MPHOSPH8: variants seen among roughly 807,000 people sequenced by gnomAD.
MPHOSPH8 encodes M-phase phosphoprotein, mpp.
MPHOSPH8 carries 45 observed loss-of-function variants against 87.3 expected under a neutral mutation model. The observed-to-expected ratio is 0.52, with a 90% CI of 0.41 to 0.66. MPHOSPH8 has a LOEUF of 0.66. MPHOSPH8 is among the 30% of genes least tolerant of loss of function. The probability of loss-of-function intolerance (pLI) is 0.00; values close to 1 mark genes in which losing one functional copy is unlikely to be tolerated. For synonymous variants in MPHOSPH8, 366 were observed against 376.9 expected (o/e 0.97, Z 0.33); for missense variants, 883 against 1,020.2 (o/e 0.87, Z 1.83).
intron 11 of MPHOSPH8, among the ~76,000 whole-genome samples, chr13:19,669,770 A>G (rs1479208636): frequency 3.3e-5 from 5 of 152,008 alleles, no homozygotes; most frequent in Non-Finnish European, 7.4e-5. Context: ...TCTGCCTCCC[A>G]AAGTGCTGGG....
chr13:19,646,488 G>T lies in MPHOSPH8; in HGVS notation c.415G>T (p.Asp139Tyr), dbSNP rs774165997. 6 of 1,553,778 alleles carry T rather than the reference G, an allele frequency of 3.9e-6. No individual in the cohort carries two copies. The South Asian group carries it at 6.3e-5, about 16-fold the overall frequency. ...CATATTTGAGGCGAACTCTGATAGCGATCAGCAAAGTGAGACAAAAGAAGA... is the reference window on the plus strand; with the variant it reads ...CATATTTGAGGCGAACTCTGATAGCTATCAGCAAAGTGAGACAAAAGAAGA... The part of the protein sequence containing the change: ...NDIFEANSDS[D>Y]QQSETKEDTS... The change falls in exon 3 of 14, where the codon GAT becomes TAT. Residue 139 changes from aspartate (D) to tyrosine (Y), a missense_variant. By Grantham distance (160) the Asp-to-Tyr change is radical. This residue lies in a region of MPHOSPH8 where 39 missense variants were observed against 82.4 expected (regional missense o/e 0.47). Coordinates refer to ENST00000361479, the MANE Select transcript of MPHOSPH8 (RefSeq NM_017520.4).
In MPHOSPH8 at chr13:19,633,741, C is replaced by G. The variant is rs763052538; in HGVS notation, c.-8C>G. The G allele has an allele frequency of 8.0e-5, 127 of 1,582,156 alleles. No homozygotes were observed. The highest frequency in any genetic ancestry group is 1.0e-4 in the Non-Finnish European group (117 of 1,164,600). ...GGGTTTTCCTCGGCGGTTTGCGGAG[C>G]TGCTAGGATGGAGCAGGTTGCGGAG... On this transcript the variant is annotated 5_prime_UTR_variant, in exon 1 of 14. Transcript: ENST00000361479.
chr13:19,634,468 C>T (rs1237258734), intron 1 of MPHOSPH8, among the ~76,000 whole-genome samples: 5 of 152,162 alleles, frequency 3.3e-5, no homozygotes, highest in Non-Finnish European at 1.5e-5. Context: ...TCATCCCTCT[C>T]TCCCCTATGC....
intron 10 of MPHOSPH8, among the ~76,000 whole-genome samples, chr13:19,667,087 G>A (rs569939789): frequency 5.9e-5 from 9 of 152,050 alleles, no homozygotes; most frequent in African/African-American, 1.4e-4. Context: ...GCTTGAACCC[G>A]GGAGGCGGAG....
chr13:19,671,712 G>C, intron 13 of MPHOSPH8, 122 bp from the exon 14 acceptor site: 1 of 819,468 alleles, frequency 1.2e-6, no homozygotes, highest in Middle Eastern at 2.3e-4. Flanking sequence ...AATGTAAATT[G>C]ATAAGCAACT....
At position 19,672,566 on chromosome 13, in the gene MPHOSPH8, A is replaced by ATATTCAAGTTACCCAAGC. The variant is rs900570589; in HGVS notation, c.*692_*709dup. The ATATTCAAGTTACCCAAGC allele has an allele frequency of 1.3e-5, 2 of 152,044 alleles. No individual in the cohort carries two copies. Among genetic ancestry groups the ATATTCAAGTTACCCAAGC allele is most frequent in the African/African-American group, 4.9e-5 (2 of 41,236 alleles). The allele number at this position is 152,044 out of a possible 1,614,324, so 9.4% of individuals were successfully genotyped here. A position where few individuals can be genotyped will look rare whatever the true frequency, so the allele number is the denominator to read the frequency against. ...TTGCTTACAGCAAGGGAGCCATGTT[A>ATATTCAAGTTACCCAAGC]TATTCAAGTTACCCAAGCACCAAAT... On this transcript the variant is annotated 3_prime_UTR_variant, in exon 14 of 14. Transcript: ENST00000361479.
At chr13:19,644,203 CAA>C (rs148021235) in intron 2 of MPHOSPH8, among the ~76,000 whole-genome samples, 3,994 of 152,180 alleles carry the variant, frequency 0.026, 170 homozygotes, top group African/African-American at 0.085. Context: ...CTTGCCGATG[CAA>C]TTTTGTTGAG....
chr13:19,671,475 G>A (rs1876123007), intron 13 of MPHOSPH8, among the ~76,000 whole-genome samples, 186 bp downstream of exon 13: 1 of 151,312 alleles, frequency 6.6e-6, no homozygotes, highest in South Asian at 2.1e-4. Flanking sequence ...TAATGCGGCA[G>A]GAAAAGAACT....
In MPHOSPH8 at chr13:19,670,354, T is replaced by C. The variant is rs1248146022; in HGVS notation, c.2448T>C (p.Pro816=). The part of the protein sequence containing the change: ...AVVLNDKFQL[P]VFLDSHFVYS... ...TTCTGAATGATAAATTTCAGCTTCCTGTTTTTCTGGTAAGATACTCTGTAT... is the reference window on the plus strand; with the variant it reads ...TTCTGAATGATAAATTTCAGCTTCCCGTTTTTCTGGTAAGATACTCTGTAT... Residue 816 remains proline (P), a synonymous_variant, in exon 12 of 14, where the codon CCT becomes CCC. Transcript: ENST00000361479. The C allele has an allele frequency of 2.5e-6, 4 of 1,613,850 alleles. No homozygotes were observed. In the African/African-American group the frequency reaches 5.3e-5, roughly 22 times the overall value.
At chr13:19,637,614 C>CTGGTG (rs1565931445) in intron 1 of MPHOSPH8, among the ~76,000 whole-genome samples, 4 of 151,870 alleles carry the variant, frequency 2.6e-5, no homozygotes, top group Non-Finnish European at 5.9e-5. Flanking sequence ...CATGAGCCAC[C>CTGGTG]GCTCCTGGCT....
chr13:19,653,820 C>G (rs1874994272), intron 5 of MPHOSPH8, among the ~76,000 whole-genome samples: 1 of 151,912 alleles, frequency 6.6e-6, no homozygotes, highest in African/African-American at 2.4e-5. Flanking sequence ...GATTGAAGAT[C>G]AACTTAATGA....
chr13:19,672,016 C>T lies in MPHOSPH8; in HGVS notation c.*141C>T. Reference sequence around the variant, plus strand: ...AGTTAAGCCTGTTGTCTGTTGTAGTCTGTAAGATGCGACATAGCTGTGTCT... The same window carrying T: ...AGTTAAGCCTGTTGTCTGTTGTAGTTTGTAAGATGCGACATAGCTGTGTCT... On this transcript the variant is annotated 3_prime_UTR_variant, in exon 14 of 14. Coordinates refer to ENST00000361479, the MANE Select transcript of MPHOSPH8 (RefSeq NM_017520.4). 1 of 786,138 alleles carries T rather than the reference C, an allele frequency of 1.3e-6. No homozygotes were observed. The highest frequency in any genetic ancestry group is 2.1e-6 in the Non-Finnish European group (1 of 475,186). The allele number at this position is 786,138 out of a possible 1,614,324, so 48.7% of individuals were successfully genotyped here. A position where few individuals can be genotyped will look rare whatever the true frequency, so the allele number is the denominator to read the frequency against.
At chr13:19,660,008 C>A (rs1217823768) in intron 7 of MPHOSPH8, among the ~76,000 whole-genome samples, 1 of 131,178 alleles carries the variant, frequency 7.6e-6, no homozygotes. Context: ...GTTGCCCAGG[C>A]TGGAGTGCAG....
chr13:19,640,465 G>T (rs1056220644), intron 1 of MPHOSPH8, among the ~76,000 whole-genome samples: 1 of 152,062 alleles, frequency 6.6e-6, no homozygotes, highest in Admixed American at 6.5e-5. Context: ...ATGGACTCTT[G>T]TATCTGGTGG....
rs369237165 is a variant in MPHOSPH8 at position 19,668,421 on chromosome 13, C to A, written c.2219C>A (p.Ala740Asp). Reference protein sequence around the residue: ...AEETIKDYFEARLALLEPVFP... With the variant: ...AEETIKDYFEDRLALLEPVFP... ...GAGACAATAAAGGATTACTTTGAAG[C>A]TCGCCTTGCTCTGCTAGAACCAGTT... is the stretch of plus-strand genomic sequence containing the variant. The change falls in exon 11 of 14, where the codon GCT becomes GAT. Residue 740 changes from alanine (A) to aspartate (D), a missense_variant. Coordinates refer to ENST00000361479, the MANE Select transcript of MPHOSPH8 (RefSeq NM_017520.4). The A allele has an allele frequency of 6.2e-7, 1 of 1,614,088 alleles. No homozygotes were observed.
chr13:19,671,742 T>C (rs1459289759), intron 13 of MPHOSPH8, 92 bp from the exon 14 acceptor site: 4 of 1,151,708 alleles, frequency 3.5e-6, no homozygotes, highest in Middle Eastern at 2.0e-4. Flanking sequence ...TGCCAAATAA[T>C]AGAAGCAAAT....
Position 19,671,820 on chromosome 13 carries a change from T to C in MPHOSPH8, c.2542-14T>C, listed in dbSNP as rs1432885157. ...TGGATCTGTACTGACACCTGCGTTC[T>C]TTTCTTTCAACAGGTTAAGTTGCTA... On this transcript the variant is annotated splice_polypyrimidine_tract_variant and intron_variant, in intron 13 of 13. Coordinates refer to ENST00000361479, the MANE Select transcript of MPHOSPH8 (RefSeq NM_017520.4). 2.5e-6 allele frequency: 4 copies of C among 1,613,780 alleles called. No homozygotes were observed. The highest frequency in any genetic ancestry group is 3.3e-5 in the Admixed American group (2 of 60,020).
chr13:19,654,862 C>T (rs1454090752), intron 5 of MPHOSPH8, among the ~76,000 whole-genome samples: 3 of 152,008 alleles, frequency 2.0e-5, no homozygotes, highest in East Asian at 3.9e-4. Context: ...GCAGGAGAAT[C>T]GCTTGAACCC....
rs760624121 is a variant in MPHOSPH8, at chr13:19,666,562, G to A, written c.2157G>A (p.Leu719=). The change falls in exon 10 of 14, where the codon CTG becomes CTA. Residue 719 remains leucine (L), a synonymous_variant. Transcript: ENST00000361479. ...QSNNVLVYDL[L]KNHLETLSRV... ...ACAATGTGCTTGTGTACGACTTGCT[G>A]AAGAACCATTTAGAGACGTAAGTGA... 1.9e-6 allele frequency: 3 copies of A among 1,584,498 alleles called. No homozygotes were observed. Among genetic ancestry groups the A allele is most frequent in the Non-Finnish European group, 2.6e-6 (3 of 1,156,546 alleles).
Sources: gnomAD v4.1 joint callset for allele counts (sites outside exome capture counted in the v4.1 genomes callset) on GRCh38, gnomAD v4.1.1 for gene constraint, gnomAD v4.1.1 regional missense constraint, MANE v1.5 for transcripts, NCBI Gene and HGNC (gene_info 2026-07-23, HGNC 2026-07-21) for gene names.